Variants in LIN28B observed in about 807,000 individuals in gnomAD.
LIN28B encodes the protein protein lin-28 homolog B.
Under a neutral mutation model 21.9 loss-of-function variants are expected in LIN28B, and 5 were observed. The observed-to-expected ratio is 0.23, with a 90% confidence interval of 0.12 to 0.48. The LOEUF is 0.48. Among genes scored for constraint, LIN28B ranks in the 20% least tolerant of loss-of-function variants. The probability of loss-of-function intolerance (pLI) is 0.98; values close to 1 mark genes in which losing one functional copy is unlikely to be tolerated. For missense variants in LIN28B, 245 were observed against 310.5 expected, an observed-to-expected ratio of 0.79 and a Z score of 1.58; for synonymous variants, 109 against 111.3, an observed-to-expected ratio of 0.98 and a Z score of 0.13.
At chr6:104,966,792 T>G (rs1769869051) in intron 2 of LIN28B, among the ~76,000 whole-genome samples, 1 of 152,066 alleles carries the variant, frequency 6.6e-6, no homozygotes. Flanking sequence ...CGGCTAATTT[T>G]TTGTATTTTT....
At chr6:105,076,390 C>T (rs1772425192) in intron 3 of LIN28B, among the ~76,000 whole-genome samples, 1 of 152,014 alleles carries the variant, frequency 6.6e-6, no homozygotes, top group East Asian at 1.9e-4. Context: ...TAATTTTTGC[C>T]AATTAAAAAA....
At chr6:105,048,212 A>G (rs1293298547) in intron 3 of LIN28B, among the ~76,000 whole-genome samples, 2 of 152,184 alleles carry the variant, frequency 1.3e-5, no homozygotes, top group Non-Finnish European at 2.9e-5. Flanking sequence ...TAATTTATTG[A>G]TAGTTTTTAG....
intron 2 of LIN28B, among the ~76,000 whole-genome samples, chr6:104,961,391 TA>T (rs1015697560): frequency 1.8e-4 from 28 of 152,106 alleles, no homozygotes; most frequent in Admixed American, 1.8e-3. Context: ...ACAAATTTGT[TA>T]CGTCTAAATT....
At chr6:105,043,453 A>G (rs1257605588) in intron 3 of LIN28B, among the ~76,000 whole-genome samples, 2 of 150,268 alleles carry the variant, frequency 1.3e-5, no homozygotes, top group Non-Finnish European at 3.0e-5. Context: ...ACCCTGGGAT[A>G]TGTTTGTTTG....
chr6:105,064,068 TAGA>T (rs1309064960), intron 3 of LIN28B, among the ~76,000 whole-genome samples: 1 of 152,104 alleles, frequency 6.6e-6, no homozygotes, highest in Admixed American at 6.5e-5. Flanking sequence ...GTTGGTGAAA[TAGA>T]AGACTCTGTG....
At chr6:105,041,262 T>C (rs949012019) in intron 3 of LIN28B, among the ~76,000 whole-genome samples, 1 of 152,170 alleles carries the variant, frequency 6.6e-6, no homozygotes, top group African/African-American at 2.4e-5. Flanking sequence ...ATTTTCTTTT[T>C]TTCTCATTTA....
intron 3 of LIN28B, among the ~76,000 whole-genome samples, chr6:105,027,844 A>G (rs529912186): frequency 1.3e-5 from 2 of 152,208 alleles, no homozygotes; most frequent in East Asian, 3.9e-4. Context: ...TTTCTCTCCA[A>G]ATTGGTAACC....
chr6:105,023,043 G>A (rs1403092438), intron 2 of LIN28B, among the ~76,000 whole-genome samples: 1 of 149,224 alleles, frequency 6.7e-6, no homozygotes, highest in Non-Finnish European at 1.5e-5. Context: ...AAATTGGCAA[G>A]TTAAGGGGAT....
chr6:105,055,919 CTTTTTTT>C (rs71006633), intron 3 of LIN28B, among the ~76,000 whole-genome samples: 1 of 83,376 alleles, frequency 1.2e-5, no homozygotes, highest in Non-Finnish European at 2.2e-5. Flanking sequence ...CCATGCCTGG[CTTTTTTT>C]TTTTTTTTTT....
In LIN28B at chr6:105,051,299, C is replaced by G. The variant is rs566487244; in HGVS notation, c.383+24817C>G. On this transcript the variant is annotated intron_variant, in intron 3 of 3. Coordinates refer to ENST00000345080, the MANE Select transcript of LIN28B (RefSeq NM_001004317.4). ...ACTAAAAATACAAAAATTAGCCAGG[C>G]GTGGTGGCGTGCACCTGTAATCCCA... 4.6e-5 allele frequency among the ~76,000 whole-genome samples: 7 copies of G among 150,908 alleles called. 1 individual carries two copies. The highest frequency in any genetic ancestry group is 1.7e-4 in the African/African-American group (7 of 40,514).
chr6:104,987,485 A>G (rs1292145934), intron 2 of LIN28B, among the ~76,000 whole-genome samples: 1 of 152,124 alleles, frequency 6.6e-6, no homozygotes, highest in Non-Finnish European at 1.5e-5. Context: ...CTGGGACTAC[A>G]GGCTCACACC....
At chr6:104,951,928 C>T (rs1447255473) in intron 3 of LIN28B, among the ~76,000 whole-genome samples, 2 of 152,188 alleles carry the variant, frequency 1.3e-5, no homozygotes, top group African/African-American at 4.8e-5. Flanking sequence ...ATTTGCTTCT[C>T]ACACATGCTG....
chr6:104,953,978 G>A (rs1778253724), upstream of LIN28B, among the ~76,000 whole-genome samples: 1 of 152,168 alleles, frequency 6.6e-6, no homozygotes, highest in Non-Finnish European at 1.5e-5. Context: ...AAAAAAGTCT[G>A]GGAAAACGTG....
chr6:105,008,427 G>A (rs1037813504), intron 2 of LIN28B, among the ~76,000 whole-genome samples: 1 of 152,010 alleles, frequency 6.6e-6, no homozygotes, highest in Non-Finnish European at 1.5e-5. Context: ...GGCGGATCAC[G>A]AGGTCAGGAG....
intron 2 of LIN28B, chr6:104,939,275 G>A (rs557252837): frequency 1.3e-5 from 2 of 152,306 alleles, no homozygotes; most frequent in East Asian, 1.9e-4. Flanking sequence ...AATTGTATCT[G>A]AAAGAATCCT....
intron 2 of LIN28B, among the ~76,000 whole-genome samples, chr6:104,972,339 T>G (rs1197797458): frequency 1.3e-5 from 2 of 152,178 alleles, no homozygotes; most frequent in African/African-American, 2.4e-5. Flanking sequence ...CTTGGTTTTT[T>G]TGTGTGACCC....
intron 2 of LIN28B, among the ~76,000 whole-genome samples, chr6:105,011,863 A>G (rs1770930872): frequency 6.7e-6 from 1 of 150,326 alleles, no homozygotes; most frequent in Non-Finnish European, 1.5e-5. Flanking sequence ...AATAAAAATA[A>G]ACAAATAAAC....
intron 3 of LIN28B, among the ~76,000 whole-genome samples, chr6:105,033,499 T>C (rs1474555371): frequency 6.6e-6 from 1 of 152,084 alleles, no homozygotes; most frequent in African/African-American, 2.4e-5. Context: ...AAATTCTGCT[T>C]AATTTAGCGT....
At chr6:104,986,204 G>C (rs1008144332) in intron 2 of LIN28B, among the ~76,000 whole-genome samples, 1 of 152,064 alleles carries the variant, frequency 6.6e-6, no homozygotes, top group Non-Finnish European at 1.5e-5. Context: ...CTTCTGCCAT[G>C]ATTGTAAGTT....
Sources: allele counts gnomAD v4.1 joint callset (sites outside exome capture counted in the v4.1 genomes callset), GRCh38; gene constraint gnomAD v4.1.1; transcripts MANE v1.5; gene names NCBI Gene and HGNC (gene_info 2026-07-23, HGNC 2026-07-21).